CAST: variants seen among roughly 807,000 people sequenced by gnomAD.
CAST encodes MIR583 host.
A neutral mutation model predicts 119.6 loss-of-function variants in CAST; 76 were observed. The ratio of observed to expected loss-of-function variants is 0.64; its 90% CI spans 0.53 to 0.77. CAST has a LOEUF of 0.77. CAST is among the 30% of genes least tolerant of loss of function. The probability of loss-of-function intolerance (pLI) is 0.00; values close to 1 mark genes in which losing one functional copy is unlikely to be tolerated. For missense variants in CAST, 953 were observed against 946.5 expected, an observed-to-expected ratio of 1.01 and a Z score of -0.09; for synonymous variants, 319 against 331.6, an observed-to-expected ratio of 0.96 and a Z score of 0.41.
the CAST span, among the ~76,000 whole-genome samples, chr5:96,480,575 A>G: frequency 9.2e-5 from 14 of 152,332 alleles, no homozygotes; most frequent in South Asian, 2.5e-3. Flanking sequence ...TATGGGGATG[A>G]ATGACATCAC....
chr5:96,402,651 G>A, the CAST span, among the ~76,000 whole-genome samples: 3 of 140,514 alleles, frequency 2.1e-5, no homozygotes, highest in Non-Finnish European at 4.4e-5. Context: ...AACAGGGCGA[G>A]TAAGTGTTTT....
At chr5:96,412,586 T>C in the CAST span, 1 of 1,204,396 alleles carries the variant, frequency 8.3e-7, no homozygotes, top group Non-Finnish European at 1.2e-6. Flanking sequence ...TTTAAAGGAT[T>C]TTAAGAGTCA....
At chr5:96,084,190 T>A in the CAST span, among the ~76,000 whole-genome samples, 92,673 of 151,870 alleles carry the variant, frequency 0.61, 28,453 homozygotes, top group Non-Finnish European at 0.64. Context: ...ATAATAATAA[T>A]AAAGTTCCAA....
rs767496591 is a variant in CAST at position 96,741,580 on chromosome 5, G to A, written c.1098G>A (p.Lys366=). The A allele has an allele frequency of 3.5e-5, 57 of 1,607,400 alleles. No homozygotes were observed. The highest frequency in any genetic ancestry group is 3.5e-5 in the Non-Finnish European group (41 of 1,174,108). ...AAGAGAAGAAAAGAAAGGTGGAGAA[G>A]GTATAGTCACAGTCTACCTGACAGC... ...PPQEKKRKVE[K]DTMSDQALEA... is the part of the protein sequence containing the mutation. Residue 366 remains lysine (K), a splice_region_variant and synonymous_variant, in exon 15 of 32, where the codon AAG becomes AAA. Transcript: ENST00000675179.
At chr5:96,274,371 G>C in the CAST span, among the ~76,000 whole-genome samples, 1 of 151,654 alleles carries the variant, frequency 6.6e-6, no homozygotes, top group Non-Finnish European at 1.5e-5. Context: ...CAAAGTGCTG[G>C]GATTACAGGC....
At chr5:96,405,101 G>A in the CAST span, among the ~76,000 whole-genome samples, 4 of 152,158 alleles carry the variant, frequency 2.6e-5, no homozygotes, top group African/African-American at 9.7e-5. Flanking sequence ...ATTGAATAGA[G>A]TTCAGAAAAA....
At chr5:96,144,824 G>A in the CAST span, among the ~76,000 whole-genome samples, 43 of 151,944 alleles carry the variant, frequency 2.8e-4, no homozygotes, top group Admixed American at 8.5e-4. Flanking sequence ...CTACAGGTGC[G>A]CACCACCATG....
At chr5:96,058,258 G>T in the CAST span, among the ~76,000 whole-genome samples, 1 of 152,036 alleles carries the variant, frequency 6.6e-6, no homozygotes, top group Non-Finnish European at 1.5e-5. Context: ...ACCTTCCCAG[G>T]GACAGCCTTC....
At chr5:96,534,901 A>G (rs1165194266) in intron 1 of CAST, among the ~76,000 whole-genome samples, 1 of 148,252 alleles carries the variant, frequency 6.7e-6, no homozygotes, top group African/African-American at 2.5e-5. Flanking sequence ...AGAAGGAAAG[A>G]AGGAAGGAAA....
intron 1 of CAST, among the ~76,000 whole-genome samples, chr5:96,665,040 G>GT (rs1247142356): frequency 2.0e-5 from 3 of 152,194 alleles, no homozygotes; most frequent in Non-Finnish European, 4.4e-5. Context: ...TTTTAACCCT[G>GT]TTTTGTTTAG....
the CAST span, among the ~76,000 whole-genome samples, chr5:95,999,747 TTA>T: frequency 2.0e-5 from 3 of 152,218 alleles, no homozygotes; most frequent in Non-Finnish European, 4.4e-5. Flanking sequence ...ATACATGTTT[TTA>T]TGTTTCTTCT....
Position 96,741,557 on chromosome 5 carries a change from G to A in CAST, c.1075G>A (p.Glu359Lys), listed in dbSNP as rs762461821. 4 of 1,613,276 alleles carry A rather than the reference G, an allele frequency of 2.5e-6. No individual in the cohort carries two copies. In the South Asian group the frequency reaches 3.3e-5, roughly 13 times the overall value. ...GTVRSAAPPQ[E>K]KKRKVEKDTM... Reference sequence around the variant, plus strand: ...AGTCAGAAGTGCTGCTCCACCCCAAGAGAAGAAAAGAAAGGTGGAGAAGGT... The same window carrying A: ...AGTCAGAAGTGCTGCTCCACCCCAAAAGAAGAAAAGAAAGGTGGAGAAGGT... Residue 359 changes from glutamate (E) to lysine (K), a missense_variant, in exon 15 of 32, where the codon GAG becomes AAG. Coordinates refer to ENST00000675179, the MANE Select transcript of CAST (RefSeq NM_001750.7).
At chr5:96,098,397 C>T in the CAST span, among the ~76,000 whole-genome samples, 713 of 152,072 alleles carry the variant, frequency 4.7e-3, 8 homozygotes, top group African/African-American at 0.016. Context: ...AATCTTTGCC[C>T]GTGCCTATGT....
At chr5:96,095,094 G>T in the CAST span, among the ~76,000 whole-genome samples, 544 of 152,324 alleles carry the variant, frequency 3.6e-3, 2 homozygotes, top group African/African-American at 4.5e-3. Flanking sequence ...TGCAAGAAAA[G>T]GGTGAAATGG....
intron 1 of CAST, among the ~76,000 whole-genome samples, chr5:96,552,133 T>A (rs1746143090): frequency 1.3e-5 from 2 of 152,168 alleles, no homozygotes; most frequent in South Asian, 4.2e-4. Context: ...CAGCACCACA[T>A]CGCACTTATT....
At chr5:96,358,324 A>C in the CAST span, among the ~76,000 whole-genome samples, 2 of 152,036 alleles carry the variant, frequency 1.3e-5, no homozygotes, top group East Asian at 3.9e-4. Flanking sequence ...TCGAGTCTCT[A>C]TCTCCTTTAG....
chr5:96,739,059 C>T (rs963601533), intron 11 of CAST, among the ~76,000 whole-genome samples: 3 of 151,800 alleles, frequency 2.0e-5, no homozygotes, highest in Non-Finnish European at 4.4e-5. Context: ...AATAGAAAAT[C>T]GAGAGAAAAC....
At chr5:96,303,294 C>G in the CAST span, among the ~76,000 whole-genome samples, 3 of 152,148 alleles carry the variant, frequency 2.0e-5, no homozygotes, top group Non-Finnish European at 2.9e-5. Context: ...AGCCCCTCCT[C>G]CAAGATTGAG....
At chr5:96,442,008 C>A in the CAST span, among the ~76,000 whole-genome samples, 26 of 152,284 alleles carry the variant, frequency 1.7e-4, no homozygotes, top group Admixed American at 4.6e-4. Context: ...CATCTATTGG[C>A]TTCTCACTAC....
Sources: allele counts gnomAD v4.1 joint callset (sites outside exome capture counted in the v4.1 genomes callset), GRCh38; gene constraint gnomAD v4.1.1; transcripts MANE v1.5; gene names NCBI Gene and HGNC (gene_info 2026-07-23, HGNC 2026-07-21).